NAALADL2: variants seen among roughly 807,000 people sequenced by gnomAD.
NAALADL2 encodes the protein N-acetylated alpha-linked acidic dipeptidase like 2.
In NAALADL2, 76 loss-of-function variants were observed where a neutral mutation model predicts 87.2. The ratio of observed to expected loss-of-function variants is 0.87; its 90% CI spans 0.72 to 1.05. The LOEUF is 1.05. Among genes scored for constraint, NAALADL2 ranks in the 50% least tolerant of loss-of-function variants. The pLI, the probability that NAALADL2 is intolerant of heterozygous loss-of-function variation, is 0.00. For synonymous variants in NAALADL2, 354 were observed against 331.0 expected (o/e 1.07, Z -0.75); for missense variants, 1,089 against 945.8 (o/e 1.15, Z -1.99).
rs567051067 is a variant in NAALADL2 at position 174,584,805 on chromosome 3, A to G, written c.-115+34168A>G. On this transcript the variant is annotated intron_variant, in intron 2 of 3. Transcript: ENST00000434257. Reference sequence around the variant, plus strand: ...TTGAAGCTCTATTATTTATCAAGCCAATATGATTTCCCTTAGAACACAGTT... The same window carrying G: ...TTGAAGCTCTATTATTTATCAAGCCGATATGATTTCCCTTAGAACACAGTT... Among the ~76,000 whole-genome samples, 5 of 152,234 alleles carry G rather than the reference A, an allele frequency of 3.3e-5. No homozygotes were observed. In the South Asian group the frequency reaches 1.0e-3, roughly 32 times the overall value.
chr3:174,791,047 A>G (rs1307274057), intron 3 of NAALADL2, among the ~76,000 whole-genome samples: 2 of 152,208 alleles, frequency 1.3e-5, no homozygotes, highest in Non-Finnish European at 2.9e-5. Flanking sequence ...GTGAAACAAG[A>G]GTTATTACTC....
rs192737382 is a variant in NAALADL2, at chr3:174,746,168, T to C, written c.-9+8422T>C. 1.1e-3 allele frequency among the ~76,000 whole-genome samples: 170 copies of C among 152,312 alleles called. 1 individual carries two copies. The highest frequency in any genetic ancestry group is 4.0e-3 in the African/African-American group (167 of 41,566). On this transcript the variant is annotated intron_variant, in intron 3 of 3. Transcript: ENST00000434257. ...TCTGTTTGCAGATGACCTTATCTTATATCTAGAAAATCCCATTGTTTCAGC... is the reference window on the plus strand; with the variant it reads ...TCTGTTTGCAGATGACCTTATCTTACATCTAGAAAATCCCATTGTTTCAGC...
At chr3:174,692,018 G>C (rs776250561) in intron 2 of NAALADL2, 3 of 152,142 alleles carry the variant, frequency 2.0e-5, no homozygotes, top group Non-Finnish European at 4.4e-5. Flanking sequence ...TCATCCTTGA[G>C]GGTTGAAATC....
intron 1 of NAALADL2, among the ~76,000 whole-genome samples, chr3:174,972,692 G>A (rs1743849974): frequency 6.6e-6 from 1 of 151,978 alleles, no homozygotes; most frequent in South Asian, 2.1e-4. Context: ...AAGGGTTTTG[G>A]TTGAATAAAT....
chr3:175,666,308 T>G (rs780357786), intron 11 of NAALADL2, among the ~76,000 whole-genome samples: 2 of 152,144 alleles, frequency 1.3e-5, no homozygotes, highest in Non-Finnish European at 2.9e-5. Flanking sequence ...AGAACTGAGA[T>G]GAGAACTCAG....
At chr3:175,620,583 G>A (rs951479228) in intron 10 of NAALADL2, among the ~76,000 whole-genome samples, 7 of 152,148 alleles carry the variant, frequency 4.6e-5, no homozygotes, top group Non-Finnish European at 1.0e-4. Context: ...AGGCAGAAAG[G>A]AGTAACACTC....
chr3:174,519,007 G>C (rs1720100388), intron 1 of NAALADL2, among the ~76,000 whole-genome samples: 1 of 152,094 alleles, frequency 6.6e-6, no homozygotes. Context: ...GAATATCTCT[G>C]AGTTAACAAG....
chr3:174,812,562 AAAAC>A (rs1343941537), intron 3 of NAALADL2, among the ~76,000 whole-genome samples: 3 of 152,210 alleles, frequency 2.0e-5, no homozygotes, highest in African/African-American at 7.2e-5. Flanking sequence ...TAAAAAATAA[AAAAC>A]AAAGTTAATT....
chr3:174,684,012 T>C (rs1727802757), intron 2 of NAALADL2, among the ~76,000 whole-genome samples: 1 of 152,008 alleles, frequency 6.6e-6, no homozygotes, highest in Non-Finnish European at 1.5e-5. Flanking sequence ...TTAGGGAATA[T>C]ATAGGCTTCA....
intron 2 of NAALADL2, among the ~76,000 whole-genome samples, chr3:175,119,757 A>G (rs530733195): frequency 6.9e-6 from 1 of 145,338 alleles, no homozygotes; most frequent in South Asian, 2.1e-4. Context: ...ATATCTATAT[A>G]TAAAACTATA....
chr3:174,950,897 T>A (rs1237632702), intron 1 of NAALADL2, among the ~76,000 whole-genome samples: 2 of 152,146 alleles, frequency 1.3e-5, no homozygotes, highest in Non-Finnish European at 2.9e-5. Context: ...TATGTTTATA[T>A]CTATCTCTTT....
chr3:174,562,201 C>T (rs567605703), intron 2 of NAALADL2, among the ~76,000 whole-genome samples: 5 of 152,194 alleles, frequency 3.3e-5, no homozygotes, highest in African/African-American at 1.2e-4. Flanking sequence ...CTACTTAACT[C>T]AACTATTAGG....
chr3:175,801,296 T>G (rs9865421), intron 13 of NAALADL2, among the ~76,000 whole-genome samples: 1 of 151,844 alleles, frequency 6.6e-6, no homozygotes, highest in Non-Finnish European at 1.5e-5. Context: ...TACATCCTTT[T>G]GCTGGTTTCC....
intron 2 of NAALADL2, among the ~76,000 whole-genome samples, chr3:175,172,247 G>GA (rs753631855): frequency 4.2e-5 from 6 of 144,478 alleles, no homozygotes; most frequent in Non-Finnish European, 7.8e-5. Flanking sequence ...ATTTTTGGAA[G>GA]ATATGTATCT....
intron 2 of NAALADL2, among the ~76,000 whole-genome samples, chr3:174,563,568 C>G (rs1202026770): frequency 6.6e-6 from 1 of 150,800 alleles, no homozygotes; most frequent in Admixed American, 6.7e-5. Context: ...ATTCTAGATA[C>G]TAAGTTAATG....
chr3:175,075,620 A>G (rs1716442921), intron 1 of NAALADL2, among the ~76,000 whole-genome samples: 1 of 152,144 alleles, frequency 6.6e-6, no homozygotes, highest in African/African-American at 2.4e-5. Context: ...TGAACTTACC[A>G]AAAGATATCA....
chr3:174,640,999 C>T (rs1447657703), intron 2 of NAALADL2, among the ~76,000 whole-genome samples: 5 of 152,338 alleles, frequency 3.3e-5, no homozygotes, highest in East Asian at 1.9e-4. Context: ...TGCACCCTCC[C>T]CTCCAGGCGA....
chr3:174,535,853 CT>C (rs925366591), intron 1 of NAALADL2, among the ~76,000 whole-genome samples: 3 of 151,520 alleles, frequency 2.0e-5, no homozygotes, highest in African/African-American at 7.3e-5. Flanking sequence ...TTATAATTTA[CT>C]TTTTTTTTCT....
chr3:175,450,836 C>T (rs1409614604), intron 6 of NAALADL2, among the ~76,000 whole-genome samples: 8 of 151,910 alleles, frequency 5.3e-5, no homozygotes. Context: ...CAAGTCTGGC[C>T]AAGACTCAGT....
Sources: gnomAD v4.1 joint callset for allele counts (sites outside exome capture counted in the v4.1 genomes callset) on GRCh38, gnomAD v4.1.1 for gene constraint, MANE v1.5 for transcripts, NCBI Gene and HGNC (gene_info 2026-07-23, HGNC 2026-07-21) for gene names.